The following PLAGL1 variants were observed in gnomAD, a reference collection of about 807,000 sequenced individuals.
PLAGL1 encodes zinc finger protein PLAGL1.
PLAGL1 carries 1 observed loss-of-function variant against 4.6 expected under a neutral mutation model. The observed-to-expected ratio is 0.22, with a 90% CI of 0.08 to 1.03. The LOEUF is 1.03. Among genes scored for constraint, PLAGL1 ranks in the 50% least tolerant of loss-of-function variants. The probability of loss-of-function intolerance (pLI) is 0.58; values close to 1 mark genes in which losing one functional copy is unlikely to be tolerated. For missense variants in PLAGL1, 464 were observed against 570.4 expected (o/e 0.81, Z 1.90); for synonymous variants, 240 against 237.8 (o/e 1.01, Z -0.08).
rs1265426267 is a variant in PLAGL1 at position 143,985,661 on chromosome 6, T to G, written c.-583-487A>C. Among the ~76,000 whole-genome samples the G allele has an allele frequency of 6.6e-6, 1 of 152,148 alleles. No individual in the cohort carries two copies. Among genetic ancestry groups the G allele is most frequent in the Non-Finnish European group, 1.5e-5 (1 of 68,022 alleles). On this transcript the variant is annotated intron_variant, in intron 1 of 7. Transcript: ENST00000674357. This position sits in a 1 kb window ranked among gnomAD's most constrained non-coding sequence, Gnocchi z 4.4. ...ACTACTACTTCCTATATGTCAAATCTTGAATGAATACTTTTAGTTTTCTGC... is the reference window on the plus strand; with the variant it reads ...ACTACTACTTCCTATATGTCAAATCGTGAATGAATACTTTTAGTTTTCTGC...
rs1179789121 is a variant in PLAGL1 at position 143,959,164 on chromosome 6, C to T, written c.-325+1305G>A. Among the ~76,000 whole-genome samples the T allele has an allele frequency of 1.3e-5, 2 of 152,194 alleles. No individual in the cohort carries two copies. Among genetic ancestry groups the T allele is most frequent in the Non-Finnish European group, 2.9e-5 (2 of 68,032 alleles). On this transcript the variant is annotated intron_variant, in intron 6 of 7. Coordinates refer to ENST00000674357, the MANE Select transcript of PLAGL1 (RefSeq NM_001317162.2). The surrounding 1 kb of genome is among the most constrained non-coding windows in gnomAD (Gnocchi z 5.3). ...CCACCGCTGCCTGCTCGCAGCTCCT[C>T]CCCAGCAGCTGAGAGCAATGTCTCA... is the stretch of plus-strand genomic sequence containing the variant.
chr6:143,959,665 C>T lies in PLAGL1; in HGVS notation c.-325+804G>A, dbSNP rs1242454414. On this transcript the variant is annotated intron_variant, in intron 6 of 7. Transcript: ENST00000674357. The surrounding 1 kb of genome is among the most constrained non-coding windows in gnomAD (Gnocchi z 5.3). The stretch of plus-strand genomic sequence containing the variant: ...CCCTAAGAGATAGGTAGAAGGGCAT[C>T]ATTGTCCCCATTTCACAAATGAGGA... Among the ~76,000 whole-genome samples the T allele has an allele frequency of 6.6e-6, 1 of 152,148 alleles. No individual in the cohort carries two copies. The highest frequency in any genetic ancestry group is 1.5e-5 in the Non-Finnish European group (1 of 68,036).
At position 144,055,461 on chromosome 6, in the gene PLAGL1, A is replaced by G. The variant is rs1798895802; in HGVS notation, c.-151+9007T>C. Among the ~76,000 whole-genome samples the G allele has an allele frequency of 6.6e-6, 1 of 152,130 alleles. No individual in the cohort carries two copies. The highest frequency in any genetic ancestry group is 2.1e-4 in the South Asian group (1 of 4,820). On this transcript the variant is annotated intron_variant, in intron 1 of 3. Coordinates refer to the PLAGL1 transcript ENST00000437412. This position sits in a 1 kb window ranked among gnomAD's most constrained non-coding sequence, Gnocchi z 5.0. ...AAATGGAGGTTCTTATCTGTGTTAA[A>G]TTGCTTTTGTCCCCAAATCTAGCTT...
intron 7 of PLAGL1, among the ~76,000 whole-genome samples, chr6:143,946,202 A>G (rs1253957555): frequency 6.6e-6 from 1 of 152,240 alleles, no homozygotes; most frequent in Admixed American, 6.5e-5. Context: ...TGGTTGAAAA[A>G]TATTTGTGTA....
rs1276063428 is a variant in PLAGL1, at chr6:143,952,142, C to T, written c.-324-3682G>A. On this transcript the variant is annotated intron_variant, in intron 6 of 7. Transcript: ENST00000674357. The surrounding 1 kb of genome is among the most constrained non-coding windows in gnomAD (Gnocchi z 6.1). ...CAACAACAACAACTGTGGGTATATA[C>T]AACATCTCTCATCACCACGCACTTG... 6.6e-6 allele frequency among the ~76,000 whole-genome samples: 1 copy of T among 152,180 alleles called. No individual in the cohort carries two copies. The highest frequency in any genetic ancestry group is 1.5e-5 in the Non-Finnish European group (1 of 68,020).
Position 143,942,748 on chromosome 6 carries a change from T to A in PLAGL1, c.153-85A>T. The A allele has an allele frequency of 1.0e-6, 1 of 976,842 alleles. No individual in the cohort carries two copies. Among genetic ancestry groups the A allele is most frequent in the Non-Finnish European group, 1.5e-6 (1 of 668,290 alleles). 60.5% of individuals were successfully genotyped at this position (976,842 alleles called of 1,614,324 possible). On this transcript the variant is annotated intron_variant, in intron 7 of 7. Transcript: ENST00000674357. This position sits in a 1 kb window ranked among gnomAD's most constrained non-coding sequence, Gnocchi z 7.6. ...TAGCAACAATATTATATCAAAATGTTAATAGTTTTCTCTGGGTCTTGGTAT... is the reference window on the plus strand; with the variant it reads ...TAGCAACAATATTATATCAAAATGTAAATAGTTTTCTCTGGGTCTTGGTAT...
rs1583202755 is a variant in PLAGL1, at chr6:143,959,403, A to G, written c.-325+1066T>C. Reference sequence around the variant, plus strand: ...TTCTAATGTCAGGCACACTGTAAACAGAAGATACAGGCAAGACGCTCCCCC... The same window carrying G: ...TTCTAATGTCAGGCACACTGTAAACGGAAGATACAGGCAAGACGCTCCCCC... On this transcript the variant is annotated intron_variant, in intron 6 of 7. Transcript: ENST00000674357. This position sits in a 1 kb window ranked among gnomAD's most constrained non-coding sequence, Gnocchi z 5.3. Among the ~76,000 whole-genome samples the G allele has an allele frequency of 6.6e-6, 1 of 152,168 alleles. No individual in the cohort carries two copies. Among genetic ancestry groups the G allele is most frequent in the East Asian group, 1.9e-4 (1 of 5,192 alleles).
intron 1 of PLAGL1, among the ~76,000 whole-genome samples, chr6:144,014,166 T>A (rs1488662583): frequency 1.3e-5 from 2 of 152,162 alleles, no homozygotes; most frequent in Non-Finnish European, 2.9e-5. Context: ...GCATGGTGGC[T>A]CACACCTGTA....
chr6:143,947,057 A>G lies in PLAGL1; in HGVS notation c.152+928T>C, dbSNP rs373493615. The stretch of plus-strand genomic sequence containing the variant: ...GAAGTAGGTACCTAACAGGCACTCA[A>G]TAAATAACTTAGACTAAATGTAATT... On this transcript the variant is annotated intron_variant, in intron 7 of 7. Coordinates refer to ENST00000674357, the MANE Select transcript of PLAGL1 (RefSeq NM_001317162.2). The surrounding 1 kb of genome is among the most constrained non-coding windows in gnomAD (Gnocchi z 4.3). Among the ~76,000 whole-genome samples, 1 of 152,276 alleles carries G rather than the reference A, an allele frequency of 6.6e-6. No homozygotes were observed. Among genetic ancestry groups the G allele is most frequent in the African/African-American group, 2.4e-5 (1 of 41,480 alleles).
At chr6:144,060,052 AC>A (rs1799271348) in intron 1 of PLAGL1, among the ~76,000 whole-genome samples, 1 of 149,136 alleles carries the variant, frequency 6.7e-6, no homozygotes. Context: ...GTTGTGCCAC[AC>A]CATTTTTTTT....
rs760139789 is a variant in PLAGL1 at position 143,941,420 on chromosome 6, T to G, written c.*4A>C. ...GAATACGAAAAATACACTTTAAAAA[T>G]CAATTATCTGAATGCATGATGGAAA... is the stretch of plus-strand genomic sequence containing the variant. On this transcript the variant is annotated 3_prime_UTR_variant, in exon 8 of 8. Coordinates refer to ENST00000674357, the MANE Select transcript of PLAGL1 (RefSeq NM_001317162.2). The surrounding 1 kb of genome is among the most constrained non-coding windows in gnomAD (Gnocchi z 6.0). 1.3e-6 allele frequency: 2 copies of G among 1,494,726 alleles called. No homozygotes were observed. Among genetic ancestry groups the G allele is most frequent in the East Asian group, 4.6e-5 (2 of 43,218 alleles). The allele number at this position is 1,494,726 out of a possible 1,614,324, so 92.6% of individuals were successfully genotyped here.
chr6:143,983,198 A>C lies in PLAGL1; in HGVS notation c.-544+1937T>G, dbSNP rs1463377764. On this transcript the variant is annotated intron_variant, in intron 2 of 7. Coordinates refer to ENST00000674357, the MANE Select transcript of PLAGL1 (RefSeq NM_001317162.2). This position sits in a 1 kb window ranked among gnomAD's most constrained non-coding sequence, Gnocchi z 6.6. ...AGAACATACTTCACAGAGCAGCATG[A>C]TCAGTGGGGTCAGTGCTTCTGACAG... Among the ~76,000 whole-genome samples, 2 of 152,210 alleles carry C rather than the reference A, an allele frequency of 1.3e-5. No homozygotes were observed. Among genetic ancestry groups the C allele is most frequent in the Non-Finnish European group, 2.9e-5 (2 of 68,024 alleles).
At chr6:143,986,425 G>C (rs932632964) in intron 1 of PLAGL1, among the ~76,000 whole-genome samples, 5 of 152,072 alleles carry the variant, frequency 3.3e-5, no homozygotes, top group Non-Finnish European at 7.4e-5. Context: ...CTGTTCACCA[G>C]CCCTAAAAAG....
In PLAGL1 at chr6:143,941,847, TTTAGTA is replaced by T; in HGVS notation, c.963_968del (p.Asp321_Lys323delinsGlu). ...CAAACAAACTGATATTGCAAAAACC[TTTAGTA>T]TCTGCTTTGAGGGGCAGGCTTGCAA... On this transcript the variant is annotated inframe_deletion, in exon 8 of 8. Transcript: ENST00000674357. The surrounding 1 kb of genome is among the most constrained non-coding windows in gnomAD (Gnocchi z 6.0). The T allele has an allele frequency of 6.2e-7, 1 of 1,614,148 alleles. No individual in the cohort carries two copies. The highest frequency in any genetic ancestry group is 8.5e-7 in the Non-Finnish European group (1 of 1,179,996).
rs1444140340 is a variant in PLAGL1, at chr6:144,039,467, T to G, written c.-151+25001A>C. ...TGGGCATGTTGGCACATGCTTGTAA[T>G]CCCAGCTACTCAAGAGGCTGAGACA... On this transcript the variant is annotated intron_variant, in intron 1 of 3. Transcript: ENST00000437412. This position sits in a 1 kb window ranked among gnomAD's most constrained non-coding sequence, Gnocchi z 4.1. Among the ~76,000 whole-genome samples, 1 of 152,148 alleles carries G rather than the reference T, an allele frequency of 6.6e-6. No individual in the cohort carries two copies. Among genetic ancestry groups the G allele is most frequent in the Non-Finnish European group, 1.5e-5 (1 of 68,024 alleles).
At chr6:143,998,760 T>C (rs1469327624) in intron 1 of PLAGL1, among the ~76,000 whole-genome samples, 3 of 147,316 alleles carry the variant, frequency 2.0e-5, no homozygotes, top group African/African-American at 7.5e-5. Context: ...AAAAAAATGG[T>C]TGAAAATTAG....
intron 1 of PLAGL1, among the ~76,000 whole-genome samples, chr6:144,046,905 G>A (rs771126005): frequency 5.3e-5 from 8 of 152,254 alleles, no homozygotes; most frequent in African/African-American, 1.4e-4. Flanking sequence ...CAGCAATAGC[G>A]GACACCCCTC....
intron 1 of PLAGL1, among the ~76,000 whole-genome samples, chr6:144,042,929 T>C (rs1212923974): frequency 6.6e-6 from 1 of 152,244 alleles, no homozygotes; most frequent in African/African-American, 2.4e-5. Flanking sequence ...TTATTCTTTT[T>C]GTAGCAATTG....
chr6:143,996,517 T>C (rs926556654), intron 1 of PLAGL1, among the ~76,000 whole-genome samples: 4 of 152,152 alleles, frequency 2.6e-5, no homozygotes, highest in Admixed American at 2.0e-4. Context: ...CCCTTGAAGA[T>C]AAAGGTTGTC....
Sources: gnomAD v4.1 joint callset for allele counts (sites outside exome capture counted in the v4.1 genomes callset) on GRCh38, gnomAD v4.1.1 for gene constraint, Gnocchi (gnomAD v3.1) non-coding constraint, MANE v1.5 for transcripts, NCBI Gene and HGNC (gene_info 2026-07-23, HGNC 2026-07-21) for gene names.